The following NTS variants were observed in gnomAD, a reference collection of about 807,000 sequenced individuals.
NTS encodes the protein neurotensin, also known as neurotensin/neuromedin N.
In NTS, 20 loss-of-function variants were observed where a neutral mutation model predicts 19.5. The ratio of observed to expected loss-of-function variants is 1.02; its 90% CI spans 0.72 to 1.49. NTS has a LOEUF of 1.49. Ranked by LOEUF, NTS falls within the 40% of genes most tolerant of loss-of-function variation. The pLI is 0.00. For synonymous variants in NTS, 71 were observed against 63.3 expected (o/e 1.12, Z -0.58); for missense variants, 215 against 193.1 (o/e 1.11, Z -0.67).
At chr12:85,874,529 T>C in intron 1 of NTS, 53 bp downstream of exon 1, 1 of 1,203,250 alleles carries the variant, frequency 8.3e-7, no homozygotes. Context: ...TTTTCTCTTT[T>C]GCAGTGTGTT....
intron 2 of NTS, among the ~76,000 whole-genome samples, chr12:85,877,298 C>T (rs1308085091): frequency 2.0e-5 from 3 of 151,924 alleles, no homozygotes; most frequent in Non-Finnish European, 2.9e-5. Context: ...ATCTTCTAGA[C>T]ATTTACCGTT....
At chr12:85,879,759 ATTTTTGTATATAAAATATAT>A (rs1393141557) in intron 3 of NTS, among the ~76,000 whole-genome samples, 2 of 122,774 alleles carry the variant, frequency 1.6e-5, no homozygotes, top group Admixed American at 1.6e-4. Flanking sequence ...TTTTTTGTAT[ATTTTTGTATATAAAATATAT>A]TTTTTGTATA....
At chr12:85,878,305 C>T (rs746778477) in intron 2 of NTS, 40 bp from the exon 3 acceptor site, 1 of 1,433,784 alleles carries the variant, frequency 7.0e-7, no homozygotes, top group Non-Finnish European at 9.5e-7. Flanking sequence ...GCTCATGTAA[C>T]ACAAGTTTTA....
chr12:85,876,743 G>A, intron 2 of NTS, 42 bp downstream of exon 2: 2 of 1,069,682 alleles, frequency 1.9e-6, no homozygotes, highest in Non-Finnish European at 1.4e-6. Flanking sequence ...AAGAACATAT[G>A]AACTTTCATT....
At chr12:85,881,808 A>G (rs935709505) in intron 3 of NTS, among the ~76,000 whole-genome samples, 3 of 152,150 alleles carry the variant, frequency 2.0e-5, no homozygotes, top group Non-Finnish European at 2.9e-5. Flanking sequence ...TACCAGATCA[A>G]AAACTATATT....
Position 85,878,491 on chromosome 12 carries a change from T to C in NTS, c.282T>C (p.Asp94=), listed in dbSNP as rs758601368. 3 of 1,613,968 alleles carry C rather than the reference T, an allele frequency of 1.9e-6. No individual in the cohort carries two copies. In the Admixed American group the frequency reaches 5.0e-5, roughly 27 times the overall value. The change falls in exon 3 of 4, where the codon GAT becomes GAC. Residue 94 remains aspartate (D), a synonymous_variant. Transcript: ENST00000256010. ...VARRKLPTAL[D]GFSLEAMLTI... is the part of the protein sequence containing the mutation. ...GAAGGAAACTTCCTACTGCTTTAGA[T>C]GGCTTTAGCTTGGAAGCAATGTTGA...
At position 85,874,498 on chromosome 12, in the gene NTS, A is replaced by G. The variant is rs184750805; in HGVS notation, c.73+22A>G. ...TCAGGTAAGCAAAACAGAATTTCACAACTCCCTGAAGTGATTTCTTTTTTC... is the reference window on the plus strand; with the variant it reads ...TCAGGTAAGCAAAACAGAATTTCACGACTCCCTGAAGTGATTTCTTTTTTC... On this transcript the variant is annotated intron_variant, in intron 1 of 3. Transcript: ENST00000256010. 241 of 1,545,910 alleles carry G rather than the reference A, an allele frequency of 1.6e-4. 2 individuals carry two copies. The East Asian group carries it at 4.5e-3, about 29-fold the overall frequency.
intron 2 of NTS, 32 bp downstream of exon 2, chr12:85,876,733 A>C (rs777843224): frequency 1.7e-6 from 2 of 1,208,330 alleles, no homozygotes; most frequent in Non-Finnish European, 1.2e-6. Context: ...CCCTGAGTTG[A>C]AGAACATATG....
At chr12:85,877,271 A>T (rs1881367722) in intron 2 of NTS, among the ~76,000 whole-genome samples, 1 of 152,104 alleles carries the variant, frequency 6.6e-6, no homozygotes, top group Non-Finnish European at 1.5e-5. Context: ...TTTTAAATGC[A>T]GGGATTGCAG....
intron 1 of NTS, among the ~76,000 whole-genome samples, 199 bp downstream of exon 1, chr12:85,874,675 C>T (rs1881298648): frequency 6.6e-6 from 1 of 152,022 alleles, no homozygotes; most frequent in South Asian, 2.1e-4. Context: ...TTAAAATCTG[C>T]AAAGCAATAA....
chr12:85,874,713 C>A (rs1393686505), intron 1 of NTS, among the ~76,000 whole-genome samples: 2 of 152,238 alleles, frequency 1.3e-5, no homozygotes, highest in East Asian at 1.9e-4. Context: ...CACTGCACGA[C>A]CTCCTTTGGA....
At position 85,874,296 on chromosome 12, in the gene NTS, T is replaced by C. The variant is rs1443005210; in HGVS notation, c.-108T>C. 8.0e-6 allele frequency: 6 copies of C among 753,256 alleles called. No individual in the cohort carries two copies. The highest frequency in any genetic ancestry group is 4.5e-5 in the South Asian group (3 of 67,304). 46.7% of individuals were successfully genotyped at this position (753,256 alleles called of 1,614,324 possible). On this transcript the variant is annotated 5_prime_UTR_variant, in exon 1 of 4. Coordinates refer to ENST00000256010, the MANE Select transcript of NTS (RefSeq NM_006183.5). Reference sequence around the variant, plus strand: ...AGGGGAATGGCCAGAGCACCTCTCATAGTTCACTCACTTTCAAAGCCAGCT... The same window carrying C: ...AGGGGAATGGCCAGAGCACCTCTCACAGTTCACTCACTTTCAAAGCCAGCT...
chr12:85,877,311 A>T (rs2136590323), intron 2 of NTS, among the ~76,000 whole-genome samples: 1 of 152,162 alleles, frequency 6.6e-6, no homozygotes, highest in African/African-American at 2.4e-5. Context: ...TTACCGTTCT[A>T]CAATGTATTT....
At chr12:85,879,850 A>T (rs1167795752) in intron 3 of NTS, among the ~76,000 whole-genome samples, 4 of 145,336 alleles carry the variant, frequency 2.8e-5, no homozygotes, top group African/African-American at 5.0e-5. Flanking sequence ...ATTTTTATGT[A>T]TATTTACATA....
intron 2 of NTS, chr12:85,877,982 A>G (rs1284836617): frequency 6.4e-6 from 1 of 155,866 alleles, no homozygotes; most frequent in Non-Finnish European, 1.4e-5. Context: ...GCTCCATTAC[A>G]TGTTAAGCTG....
chr12:85,879,283 C>A (rs11117069), intron 3 of NTS, among the ~76,000 whole-genome samples: 2 of 8 alleles, frequency 0.25, 1 homozygote, highest in South Asian at 1. Flanking sequence ...ATGTATATAC[C>A]ATATATTTTA....
Position 85,882,348 on chromosome 12 carries a change from A to ACT in NTS, c.488_489dup (p.Lys164SerfsTer26). The ACT allele has an allele frequency of 1.3e-6, 2 of 1,585,936 alleles. No homozygotes were observed. Among genetic ancestry groups the ACT allele is most frequent in the Non-Finnish European group, 8.5e-7 (1 of 1,171,792 alleles). On this transcript the variant is annotated frameshift_variant, in exon 4 of 4. Transcript: ENST00000256010. LOFTEE classifies it high-confidence loss of function. ...AGAATAAACCCAGAAGACCCTACATACTCAAAAGAGATTCTTACTATTACT... is the reference window on the plus strand; with the variant it reads ...AGAATAAACCCAGAAGACCCTACATACTCTCAAAAGAGATTCTTACTATTACT...
At chr12:85,878,621 CATTTATATTA>C in intron 3 of NTS, 52 bp downstream of exon 3, 1 of 1,007,908 alleles carries the variant, frequency 9.9e-7, no homozygotes, top group East Asian at 2.7e-5. Context: ...AGTTAGCTCT[CATTTATATTA>C]ATTTCTTAAA....
intron 3 of NTS, among the ~76,000 whole-genome samples, chr12:85,879,908 T>G (rs1056385509): frequency 6.8e-6 from 1 of 147,324 alleles, no homozygotes; most frequent in South Asian, 2.1e-4. Context: ...ATTTTATGTA[T>G]ATAAAAATAT....
Sources: gnomAD v4.1 joint callset for allele counts (sites outside exome capture counted in the v4.1 genomes callset) on GRCh38, gnomAD v4.1.1 for gene constraint, MANE v1.5 for transcripts, NCBI Gene and HGNC (gene_info 2026-07-23, HGNC 2026-07-21) for gene names.